MATN2: variants seen among roughly 807,000 people sequenced by gnomAD.
MATN2 encodes the protein matrilin 2, also known as matrilin-2.
A neutral mutation model predicts 103.2 loss-of-function variants in MATN2; 69 were observed. That is an observed-to-expected ratio of 0.67 (90% CI 0.55 to 0.82). The LOEUF (loss-of-function observed/expected upper bound fraction) is 0.82, where lower values mean the gene tolerates loss of function less well. Among genes scored for constraint, MATN2 ranks in the 40% least tolerant of loss-of-function variants. The pLI, the probability that MATN2 is intolerant of heterozygous loss-of-function variation, is 0.00. For synonymous variants in MATN2, 429 were observed against 450.2 expected, an observed-to-expected ratio of 0.95 and a Z score of 0.60; for missense variants, 1,023 against 1,211.5, an observed-to-expected ratio of 0.84 and a Z score of 2.31.
intron 13 of MATN2, among the ~76,000 whole-genome samples, chr8:98,023,871 T>A (rs1186226755): frequency 2.0e-5 from 3 of 152,152 alleles, no homozygotes; most frequent in Non-Finnish European, 4.4e-5. Context: ...TAAAAAGAAA[T>A]GAGGTCATGT....
intron 13 of MATN2, among the ~76,000 whole-genome samples, chr8:98,026,933 T>C (rs564496993): frequency 6.6e-5 from 10 of 152,274 alleles, no homozygotes; most frequent in African/African-American, 1.9e-4. Context: ...TTGGGGTATA[T>C]AGAAAGCAAT....
chr8:97,932,416 C>T (rs1810229077), intron 3 of MATN2, among the ~76,000 whole-genome samples: 1 of 152,138 alleles, frequency 6.6e-6, no homozygotes, highest in East Asian at 1.9e-4. Flanking sequence ...CAGCTCCCCA[C>T]CTGTTAAGAT....
At chr8:98,033,816 A>T in intron 18 of MATN2, 157 bp downstream of exon 18, 1 of 596,082 alleles carries the variant, frequency 1.7e-6, no homozygotes, top group Non-Finnish European at 2.9e-6. Context: ...AAGCAGCCTC[A>T]CAGGTGTTTG....
intron 4 of MATN2, among the ~76,000 whole-genome samples, chr8:97,953,898 G>A (rs750217045): frequency 1.3e-5 from 2 of 151,976 alleles, no homozygotes; most frequent in Non-Finnish European, 2.9e-5. Flanking sequence ...GGAAGCAGAG[G>A]TTGCAGTGAG....
Position 97,896,931 on chromosome 8 carries a change from G to A in MATN2, c.142+8689G>A, listed in dbSNP as rs549886860. Among the ~76,000 whole-genome samples the A allele has an allele frequency of 2.6e-5, 4 of 151,688 alleles. No individual in the cohort carries two copies. The East Asian group carries it at 5.8e-4, about 22-fold the overall frequency. On this transcript the variant is annotated intron_variant, in intron 2 of 18. Coordinates refer to ENST00000254898, the MANE Select transcript of MATN2 (RefSeq NM_002380.5). ...TGGCAACACGACAGGGCTGGGCAGT[G>A]GGATCAGGCAACACAGTAGGGCTGG... is the stretch of plus-strand genomic sequence containing the variant.
intron 1 of MATN2, among the ~76,000 whole-genome samples, chr8:97,882,203 C>A (rs1226715498): frequency 6.6e-6 from 1 of 151,736 alleles, no homozygotes; most frequent in Non-Finnish European, 1.5e-5. Flanking sequence ...GGATTACAGG[C>A]ATGAGCCACC....
At chr8:97,917,164 A>G (rs998635360) in intron 2 of MATN2, among the ~76,000 whole-genome samples, 1 of 152,148 alleles carries the variant, frequency 6.6e-6, no homozygotes, top group Non-Finnish European at 1.5e-5. Context: ...TAAAACAACA[A>G]CAAAATCTTA....
At chr8:97,924,957 C>T (rs1403045131) in intron 2 of MATN2, among the ~76,000 whole-genome samples, 1 of 152,000 alleles carries the variant, frequency 6.6e-6, no homozygotes, top group Non-Finnish European at 1.5e-5. Flanking sequence ...GGTTCAGATC[C>T]CAGCTCCTCT....
At chr8:97,888,009 G>A in intron 1 of MATN2, 66 bp from the exon 2 acceptor site, 1 of 1,483,094 alleles carries the variant, frequency 6.7e-7, no homozygotes, top group Non-Finnish European at 9.1e-7. Context: ...CGGGCCTGCA[G>A]CTCCTGGAGT....
chr8:97,977,903 C>G (rs942445569), intron 5 of MATN2, among the ~76,000 whole-genome samples: 1 of 152,120 alleles, frequency 6.6e-6, no homozygotes, highest in African/African-American at 2.4e-5. Flanking sequence ...TCTTCCTAAC[C>G]ACCCACCTTC....
At chr8:97,974,761 A>G (rs1208559693) in intron 5 of MATN2, among the ~76,000 whole-genome samples, 1 of 152,198 alleles carries the variant, frequency 6.6e-6, no homozygotes, top group Non-Finnish European at 1.5e-5. Flanking sequence ...CAGTTTTTAT[A>G]ATATTTAAAT....
chr8:97,995,842 A>G (rs571857222), intron 7 of MATN2, among the ~76,000 whole-genome samples: 1 of 152,378 alleles, frequency 6.6e-6, no homozygotes, highest in Non-Finnish European at 1.5e-5. Flanking sequence ...TTGTGAGGGT[A>G]CAAACCCTGC....
At chr8:98,004,141 A>G (rs143340982) in intron 8 of MATN2, 23,664 of 234,544 alleles carry the variant, frequency 0.1, 1,581 homozygotes, top group Admixed American at 0.2. Flanking sequence ...ACAAAAAATT[A>G]GCTGGGTGTG....
chr8:98,034,916 TAAAAAA>T, intron 18 of MATN2, among the ~76,000 whole-genome samples: 1 of 130,834 alleles, frequency 7.6e-6, no homozygotes, highest in South Asian at 2.5e-4. Context: ...GAATCACAAT[TAAAAAA>T]AAAAAAAAAA....
At chr8:98,017,536 A>T (rs1813406360) in intron 11 of MATN2, among the ~76,000 whole-genome samples, 1 of 152,244 alleles carries the variant, frequency 6.6e-6, no homozygotes, top group Admixed American at 6.5e-5. Flanking sequence ...AAAGATGGGT[A>T]ACTGGAATAA....
chr8:97,935,606 G>C (rs992890), intron 3 of MATN2, among the ~76,000 whole-genome samples: 20,395 of 152,138 alleles, frequency 0.13, 1,777 homozygotes, highest in Non-Finnish European at 0.2. Context: ...CCGCCTCAAA[G>C]TTCCATCTCA....
chr8:98,008,605 T>C (rs1347252670), intron 10 of MATN2, among the ~76,000 whole-genome samples: 2 of 152,198 alleles, frequency 1.3e-5, no homozygotes. Flanking sequence ...GCAAATGGGT[T>C]ATCCATGTTA....
chr8:97,911,298 G>A (rs1423417439), intron 2 of MATN2, among the ~76,000 whole-genome samples: 1 of 151,882 alleles, frequency 6.6e-6, no homozygotes, highest in Non-Finnish European at 1.5e-5. Flanking sequence ...AGTTTATTTA[G>A]AGCCATAGCA....
chr8:98,032,300 C>A lies in MATN2; in HGVS notation c.2564C>A (p.Thr855Lys), dbSNP rs2255317. 6.2e-7 allele frequency: 1 copy of A among 1,610,442 alleles called. No homozygotes were observed. Among genetic ancestry groups the A allele is most frequent in the Non-Finnish European group, 8.5e-7 (1 of 1,178,192 alleles). The change falls in exon 16 of 19, where the codon ACG (threonine) becomes AAG (lysine). Residue 855 changes from threonine (T) to lysine (K), a missense_variant. Coordinates refer to ENST00000254898, the MANE Select transcript of MATN2 (RefSeq NM_002380.5). ...TCTCCAGCAGGGGAACTGCCAAAAA[C>A]GGTCCAACAGCCAACAGGTACAGTT... ...QDSPAGELPK[T>K]VQQPTESEPV...
Sources: allele counts gnomAD v4.1 joint callset (sites outside exome capture counted in the v4.1 genomes callset), GRCh38; gene constraint gnomAD v4.1.1; transcripts MANE v1.5; gene names NCBI Gene and HGNC (gene_info 2026-07-23, HGNC 2026-07-21).